Variants in ACBD4 observed in about 807,000 individuals in gnomAD.
The protein encoded by ACBD4 is acyl-CoA-binding domain-containing protein 4.
A neutral mutation model predicts 46.0 loss-of-function variants in ACBD4; 41 were observed. That is an observed-to-expected ratio of 0.89 (90% CI 0.69 to 1.16). The LOEUF is 1.16. ACBD4 is among the 50% of genes most tolerant of loss of function. ACBD4 has a pLI of 0.00. For synonymous variants in ACBD4, 162 were observed against 155.9 expected, an observed-to-expected ratio of 1.04 and a Z score of -0.29; for missense variants, 393 against 399.5, an observed-to-expected ratio of 0.98 and a Z score of 0.14.
chr17:45,137,745 C>A lies in ACBD4; in HGVS notation c.503-15C>A. The A allele has an allele frequency of 1.2e-6, 2 of 1,613,954 alleles. No individual in the cohort carries two copies. The highest frequency in any genetic ancestry group is 1.7e-6 in the Non-Finnish European group (2 of 1,179,912). ...AGCTTCCCTCTGGGCAGTAACTCTA[C>A]CAACCCCTCCACAGAGTCCCATTCA... On this transcript the variant is annotated splice_polypyrimidine_tract_variant and intron_variant, in intron 6 of 9. Transcript: ENST00000321854.
intron 8 of ACBD4, 103 bp downstream of exon 8, chr17:45,138,091 T>C (rs2054989373): frequency 1.6e-6 from 2 of 1,223,462 alleles, no homozygotes; most frequent in African/African-American, 1.5e-5. Context: ...TGAAAGTCCA[T>C]TGCTGGGCAC....
upstream of ACBD4, chr17:45,133,323 G>A (rs1376584302): frequency 6.6e-6 from 1 of 152,252 alleles, no homozygotes; most frequent in Non-Finnish European, 1.5e-5. Context: ...TGCGGCCGGT[G>A]GCCTGGGTCC....
rs1214838580 is a variant in ACBD4, at chr17:45,136,704, C to T, written c.222C>T (p.Asn74=). 1 of 1,614,092 alleles carries T rather than the reference C, an allele frequency of 6.2e-7. No homozygotes were observed. The highest frequency in any genetic ancestry group is 1.7e-5 in the Admixed American group (1 of 60,030). The change falls in exon 4 of 10, where the codon AAC becomes AAT. Residue 74 remains asparagine, a synonymous_variant. Coordinates refer to ENST00000321854, the MANE Select transcript of ACBD4 (RefSeq NM_001135705.3). ...PIGRYKWDAW[N]SLGKMSREEA... ...CCTCTGCCCCCAGGGACGCCTGGAA[C>T]AGTCTGGGCAAGATGAGCAGGGAGG...
chr17:45,138,174 C>T, intron 8 of ACBD4, 186 bp downstream of exon 8: 1 of 654,776 alleles, frequency 1.5e-6, no homozygotes. Context: ...AAGTCCCCGC[C>T]CTCCCTCCTC....
At chr17:45,135,538 A>G (rs1424611251), upstream of ACBD4, 1 of 152,334 alleles carries the variant, frequency 6.6e-6, no homozygotes, top group African/African-American at 2.4e-5. Flanking sequence ...CTGATTGGGA[A>G]AGGCTCTGAG....
At chr17:45,132,378 G>C, upstream of ACBD4, 1 of 1,227,894 alleles carries the variant, frequency 8.1e-7, no homozygotes, top group South Asian at 4.1e-5. The surrounding 1 kb of genome is among the most constrained non-coding windows in gnomAD (Gnocchi z 4.6). Context: ...CCTCGGGCGG[G>C]CGGCGGCAAC....
At chr17:45,140,954 A>C (rs2055231082) in intron 9 of ACBD4, among the ~76,000 whole-genome samples, 1 of 152,210 alleles carries the variant, frequency 6.6e-6, no homozygotes, top group African/African-American at 2.4e-5. Flanking sequence ...CAGAGGTTGC[A>C]GTGAGCTGAG....
At position 45,136,635 on chromosome 17, in the gene ACBD4, G is replaced by A. The variant is rs756565451; in HGVS notation, c.209+15G>A. 1.2e-6 allele frequency: 2 copies of A among 1,613,814 alleles called. No homozygotes were observed. Among genetic ancestry groups the A allele is most frequent in the Admixed American group, 3.3e-5 (2 of 60,008 alleles). The stretch of plus-strand genomic sequence containing the variant: ...CGATATAAGTGGTGAGCTCCCTGCT[G>A]GCTGGGCAGACAAGCCTCAGCTGTC... On this transcript the variant is annotated intron_variant, in intron 3 of 9. Coordinates refer to ENST00000321854, the MANE Select transcript of ACBD4 (RefSeq NM_001135705.3).
chr17:45,136,472 T>C (rs944810405), intron 2 of ACBD4, 28 bp from the exon 3 acceptor site: 11 of 1,603,356 alleles, frequency 6.9e-6, no homozygotes, highest in Non-Finnish European at 8.5e-6. Flanking sequence ...AGTGATGCTT[T>C]GCCCTGGCTT....
Position 45,143,634 on chromosome 17 carries a change from G to T in ACBD4, c.*63G>T. ...TCTTGCTGTGCCCTGAGCCTTCCTA[G>T]GGTTTAGAAGAACAGCATTCAAAAT... On this transcript the variant is annotated 3_prime_UTR_variant, in exon 10 of 10. Coordinates refer to ENST00000321854, the MANE Select transcript of ACBD4 (RefSeq NM_001135705.3). 6.2e-7 allele frequency: 1 copy of T among 1,612,154 alleles called. No individual in the cohort carries two copies. Among genetic ancestry groups the T allele is most frequent in the Non-Finnish European group, 8.5e-7 (1 of 1,178,876 alleles).
chr17:45,133,375 C>T, upstream of ACBD4: 1 of 152,306 alleles, frequency 6.6e-6, no homozygotes, highest in Non-Finnish European at 1.5e-5. Context: ...CGGCGGCCAG[C>T]GGCGTGGCAT....
At chr17:45,133,689 G>C (rs1423451648), upstream of ACBD4, among the ~76,000 whole-genome samples, 1 of 150,622 alleles carries the variant, frequency 6.6e-6, no homozygotes, top group Admixed American at 6.6e-5. Context: ...CCGCCACTAC[G>C]CCCGGCTAAT....
At chr17:45,137,302 G>A in intron 5 of ACBD4, 66 bp from the exon 6 acceptor site, 2 of 1,606,110 alleles carry the variant, frequency 1.2e-6, no homozygotes, top group Middle Eastern at 1.7e-4. Context: ...CACGAGTAGG[G>A]GCTTGATCAC....
chr17:45,136,961 G>A, intron 4 of ACBD4, 58 bp from the exon 5 acceptor site: 1 of 1,610,154 alleles, frequency 6.2e-7, no homozygotes, highest in Non-Finnish European at 8.5e-7. Context: ...GACAGGGCAG[G>A]AGCAGGGAGG....
In ACBD4 at chr17:45,136,720, A is replaced by G; in HGVS notation, c.238A>G (p.Ser80Gly). The change falls in exon 4 of 10, where the codon AGC (serine) becomes GGC (glycine). Residue 80 changes from serine (S) to glycine (G), a missense_variant. By Grantham distance (56) the Ser-to-Gly change is moderately conservative. Coordinates refer to ENST00000321854, the MANE Select transcript of ACBD4 (RefSeq NM_001135705.3). The stretch of plus-strand genomic sequence containing the variant: ...CGCCTGGAACAGTCTGGGCAAGATG[A>G]GCAGGGAGGAGGCCATGTCTGCCTA... ...WDAWNSLGKM[S>G]REEAMSAYIT... 1 of 1,613,984 alleles carries G rather than the reference A, an allele frequency of 6.2e-7. No individual in the cohort carries two copies. Among genetic ancestry groups the G allele is most frequent in the Non-Finnish European group, 8.5e-7 (1 of 1,180,020 alleles).
At chr17:45,136,438 G>T (rs2054838382) in intron 2 of ACBD4, 62 bp from the exon 3 acceptor site, 3 of 1,559,296 alleles carry the variant, frequency 1.9e-6, no homozygotes, top group East Asian at 4.5e-5. Context: ...GGGTTCTCCC[G>T]CCCCTCCGCC....
rs1161132274 is a variant in ACBD4 at position 45,142,389 on chromosome 17, C to CAAAAAA, written c.790-1029_790-1024dup. On this transcript the variant is annotated intron_variant, in intron 9 of 9. Transcript: ENST00000321854. ...GCCTGGGAGACAGAGCAAGACTCCT[C>CAAAAAA]AAAAAAAAAAAAAAAAAAAAAAAAA... Among the ~76,000 whole-genome samples, 134 of 28,576 alleles carry CAAAAAA rather than the reference C, an allele frequency of 4.7e-3. 1 individual carries two copies. The highest frequency in any genetic ancestry group is 0.036 in the Middle Eastern group (1 of 28). The allele number at this position is 28,576 out of a possible 152,430, so 18.7% of individuals were successfully genotyped here. A position where few individuals can be genotyped will look rare whatever the true frequency, so the allele number is the denominator to read the frequency against.
chr17:45,141,845 G>A (rs1329232279), intron 9 of ACBD4, among the ~76,000 whole-genome samples: 1 of 152,006 alleles, frequency 6.6e-6, no homozygotes, highest in Non-Finnish European at 1.5e-5. Context: ...TCCTGCAGTC[G>A]GAGAATATCC....
At chr17:45,134,942 C>A (rs1476364863), upstream of ACBD4, among the ~76,000 whole-genome samples, 1 of 151,386 alleles carries the variant, frequency 6.6e-6, no homozygotes, top group Non-Finnish European at 1.5e-5. Flanking sequence ...CTCTGGTAAC[C>A]ATCATTCTGC....
Sources: gnomAD v4.1 joint callset for allele counts (sites outside exome capture counted in the v4.1 genomes callset) on GRCh38, gnomAD v4.1.1 for gene constraint, Gnocchi (gnomAD v3.1) non-coding constraint, MANE v1.5 for transcripts, NCBI Gene and HGNC (gene_info 2026-07-23, HGNC 2026-07-21) for gene names.